The following RYR2 variants were observed in gnomAD, a reference collection of about 807,000 sequenced individuals.
RYR2 encodes cardiac muscle ryanodine receptor-calcium release channel.
RYR2 carries 227 observed loss-of-function variants against 601.1 expected under a neutral mutation model. The ratio of observed to expected loss-of-function variants is 0.38; its 90% CI spans 0.34 to 0.42. The LOEUF is 0.42. RYR2 is among the 10% of genes least tolerant of loss of function. The pLI is 1.00. For synonymous variants in RYR2, 2,223 were observed against 2,175.1 expected, an observed-to-expected ratio of 1.02 and a Z score of -0.61; for missense variants, 4,646 against 6,156.5, an observed-to-expected ratio of 0.75 and a Z score of 8.21.
intron 80 of RYR2, among the ~76,000 whole-genome samples, chr1:237,744,921 C>G (rs1398912124): frequency 1.3e-5 from 2 of 151,350 alleles, no homozygotes; most frequent in African/African-American, 4.9e-5. Flanking sequence ...CTCAGCCTCC[C>G]GAGTAGCTAG....
chr1:237,201,408 C>T (rs1681179820), intron 1 of RYR2, among the ~76,000 whole-genome samples: 2 of 152,168 alleles, frequency 1.3e-5, no homozygotes, highest in African/African-American at 2.4e-5. Flanking sequence ...ATGAGATGCA[C>T]ACGTGTGAGT....
intron 82 of RYR2, 122 bp from the exon 83 acceptor site, chr1:237,759,654 G>C (rs1693249406): frequency 4.2e-6 from 3 of 718,666 alleles, no homozygotes; most frequent in African/African-American, 3.5e-5. Flanking sequence ...CATTAGTCAT[G>C]TTTGTACGCA....
At chr1:237,775,112 C>T (rs1250475850) in intron 87 of RYR2, among the ~76,000 whole-genome samples, 1 of 140,416 alleles carries the variant, frequency 7.1e-6, no homozygotes, top group Non-Finnish European at 1.5e-5. Context: ...TAACAAGTAA[C>T]TTCTCTTATT....
At chr1:237,369,812 T>C (rs1248687861) in intron 6 of RYR2, among the ~76,000 whole-genome samples, 2 of 152,210 alleles carry the variant, frequency 1.3e-5, no homozygotes, top group Non-Finnish European at 2.9e-5. Context: ...TTTAATTCTA[T>C]CATTATATGA....
At chr1:237,330,779 T>C (rs1572626559) in intron 2 of RYR2, 99 bp from the exon 3 acceptor site, 1 of 848,124 alleles carries the variant, frequency 1.2e-6, no homozygotes, top group Non-Finnish European at 2.0e-6. Flanking sequence ...AGTTGACAAA[T>C]ACTGTTTCTA....
rs1368263443 is a variant in RYR2, at chr1:237,420,889, A to G, written c.849-2203A>G. Among the ~76,000 whole-genome samples the G allele has an allele frequency of 2.0e-5, 3 of 147,034 alleles. No individual in the cohort carries two copies. In the Admixed American group the frequency reaches 2.0e-4, roughly 10 times the overall value. ...TTGTTTTTCCAAATAATGGAAACAA[A>G]TATTAAACATATTTCCAAATATTTC... On this transcript the variant is annotated intron_variant, in intron 11 of 104. Transcript: ENST00000366574.
At chr1:237,330,844 G>T in intron 2 of RYR2, 34 bp from the exon 3 acceptor site, 1 of 1,540,664 alleles carries the variant, frequency 6.5e-7, no homozygotes, top group Non-Finnish European at 9.0e-7. Context: ...TGATGAAGAT[G>T]ATGCTGCTGA....
intron 1 of RYR2, among the ~76,000 whole-genome samples, chr1:237,252,049 G>C (rs1296017496): frequency 6.6e-6 from 1 of 151,822 alleles, no homozygotes; most frequent in Non-Finnish European, 1.5e-5. Flanking sequence ...TCTTTTGCTT[G>C]GCTACGGTAA....
At chr1:237,340,591 AT>A (rs1281923458) in intron 3 of RYR2, among the ~76,000 whole-genome samples, 1 of 152,216 alleles carries the variant, frequency 6.6e-6, no homozygotes, top group Non-Finnish European at 1.5e-5. Context: ...TGAAACTTCT[AT>A]TCTCAAATAT....
intron 1 of RYR2, among the ~76,000 whole-genome samples, chr1:237,081,621 G>T (rs928918948): frequency 1.3e-5 from 2 of 150,934 alleles, no homozygotes; most frequent in East Asian, 3.9e-4. Flanking sequence ...ACACACATAC[G>T]CACACACTCT....
chr1:237,791,086 T>C (rs749326894), intron 92 of RYR2, among the ~76,000 whole-genome samples: 4 of 152,366 alleles, frequency 2.6e-5, no homozygotes, highest in Non-Finnish European at 5.9e-5. Flanking sequence ...CAGGCCTCTC[T>C]GTTCAAAGCT....
At chr1:237,412,350 A>T (rs1331486595) in intron 10 of RYR2, among the ~76,000 whole-genome samples, 2 of 152,182 alleles carry the variant, frequency 1.3e-5, no homozygotes, top group African/African-American at 2.4e-5. Flanking sequence ...GAGTTCCTAA[A>T]TGAAATGTAT....
At chr1:237,606,444 C>T (rs1364844036) in intron 35 of RYR2, among the ~76,000 whole-genome samples, 5 of 152,186 alleles carry the variant, frequency 3.3e-5, no homozygotes, top group Middle Eastern at 3.4e-3. Flanking sequence ...CTTAAATGTT[C>T]GACCTAAAAC....
chr1:237,795,985 TAC>T lies in RYR2; in HGVS notation c.13956+656_13956+657del, dbSNP rs1157806976. Among the ~76,000 whole-genome samples the T allele has an allele frequency of 3.3e-5, 5 of 149,830 alleles. No individual in the cohort carries two copies. The East Asian group carries it at 9.8e-4, about 29-fold the overall frequency. On this transcript the variant is annotated intron_variant, in intron 96 of 104. Coordinates refer to ENST00000366574, the MANE Select transcript of RYR2 (RefSeq NM_001035.3). ...ATGTATGTATATGTATATATGTATA[TAC>T]ATATATAAATGTGTACATGTACATA...
At chr1:237,391,685 G>C (rs1368909766) in intron 10 of RYR2, among the ~76,000 whole-genome samples, 1 of 152,022 alleles carries the variant, frequency 6.6e-6, no homozygotes, top group Non-Finnish European at 1.5e-5. Flanking sequence ...TCAATAATGG[G>C]TTTTATGATT....
chr1:237,288,618 C>T (rs914678908), intron 2 of RYR2, among the ~76,000 whole-genome samples: 10 of 151,912 alleles, frequency 6.6e-5, no homozygotes, highest in Non-Finnish European at 1.2e-4. Flanking sequence ...CAGGCCTCAC[C>T]CAGCTCCCAC....
chr1:237,160,485 T>G (rs1675880544), intron 1 of RYR2, among the ~76,000 whole-genome samples: 1 of 152,188 alleles, frequency 6.6e-6, no homozygotes, highest in South Asian at 2.1e-4. Flanking sequence ...TTTATTTTTT[T>G]GTCAGGTTTT....
chr1:237,643,269 C>G, intron 47 of RYR2, 58 bp from the exon 48 acceptor site: 4 of 1,588,520 alleles, frequency 2.5e-6, no homozygotes, highest in Non-Finnish European at 3.4e-6. Flanking sequence ...ATTTCCTAGA[C>G]AGAATTGTAA....
At chr1:237,335,833 G>T (rs1697194197) in intron 3 of RYR2, among the ~76,000 whole-genome samples, 1 of 152,002 alleles carries the variant, frequency 6.6e-6, no homozygotes, top group South Asian at 2.1e-4. Context: ...ATGATCGTGG[G>T]TATTGGTAGT....
Sources: gnomAD v4.1 joint callset for allele counts (sites outside exome capture counted in the v4.1 genomes callset) on GRCh38, gnomAD v4.1.1 for gene constraint, MANE v1.5 for transcripts, NCBI Gene and HGNC (gene_info 2026-07-23, HGNC 2026-07-21) for gene names.